The following RBPMS2 variants were observed in gnomAD, a reference collection of about 807,000 sequenced individuals.
RBPMS2 encodes RNA binding protein, mRNA processing factor 2.
RBPMS2 carries 14 observed loss-of-function variants against 25.7 expected under a neutral mutation model. The observed-to-expected ratio is 0.55, with a 90% confidence interval of 0.36 to 0.85. The LOEUF is 0.85. RBPMS2 is among the 40% of genes least tolerant of loss of function. RBPMS2 has a pLI of 0.01. For synonymous variants in RBPMS2, 127 were observed against 115.6 expected (o/e 1.10, Z -0.63); for missense variants, 252 against 283.4 (o/e 0.89, Z 0.80).
intron 6 of RBPMS2, among the ~76,000 whole-genome samples, chr15:64,744,789 GTTTGT>G (rs770985658): frequency 0.015 from 914 of 61,224 alleles, 8 homozygotes; most frequent in African/African-American, 0.053. Flanking sequence ...AGTTTTTTTG[GTTTGT>G]TTTGTTTTTT....
chr15:64,775,212 G>C, intron 1 of RBPMS2, 21 bp downstream of exon 1: 2 of 1,214,664 alleles, frequency 1.6e-6, no homozygotes, highest in Non-Finnish European at 2.1e-6. Context: ...CACCCGGCAA[G>C]TCCCGGGGCC....
intron 6 of RBPMS2, among the ~76,000 whole-genome samples, chr15:64,741,887 C>T (rs986130492): frequency 3.9e-5 from 6 of 152,144 alleles, no homozygotes; most frequent in African/African-American, 9.7e-5. Context: ...CAAACAAGGC[C>T]GGGCGCAGCG....
At chr15:64,763,863 T>G (rs999139374) in intron 1 of RBPMS2, among the ~76,000 whole-genome samples, 18 of 151,886 alleles carry the variant, frequency 1.2e-4, no homozygotes, top group African/African-American at 3.6e-4. Context: ...AAAAGTTATC[T>G]GAAAGGAGGG....
chr15:64,740,265 C>T lies in RBPMS2; in HGVS notation c.*743G>A, dbSNP rs1401357784. 2 of 152,282 alleles carry T rather than the reference C, an allele frequency of 1.3e-5. No individual in the cohort carries two copies. Among genetic ancestry groups the T allele is most frequent in the Non-Finnish European group, 2.9e-5 (2 of 68,034 alleles). 9.4% of individuals were successfully genotyped at this position (152,282 alleles called of 1,614,324 possible). ...TTTTGTTACACAGGGTACAAAAATA[C>T]TTCTCACGTTTTGGTTGGTTTCGAG... On this transcript the variant is annotated 3_prime_UTR_variant, in exon 8 of 8. Coordinates refer to ENST00000300069, the MANE Select transcript of RBPMS2 (RefSeq NM_194272.3).
intron 1 of RBPMS2, among the ~76,000 whole-genome samples, chr15:64,754,553 G>A (rs1440587658): frequency 6.6e-6 from 1 of 152,000 alleles, no homozygotes; most frequent in East Asian, 1.9e-4. Context: ...AGAGGTTGCA[G>A]TGAGCTGAGA....
Position 64,741,159 on chromosome 15 carries a change from G to A in RBPMS2, c.*7+14C>T. On this transcript the variant is annotated intron_variant, in intron 7 of 7. Transcript: ENST00000300069. ...CTAGGACACTTGTCCTGGGCCTCTG[G>A]GGCCAACACTTACTGAAAAACTAAC... is the stretch of plus-strand genomic sequence containing the variant. 6.4e-7 allele frequency: 1 copy of A among 1,559,092 alleles called. No homozygotes were observed. The highest frequency in any genetic ancestry group is 8.7e-7 in the Non-Finnish European group (1 of 1,149,260).
At chr15:64,755,596 A>AG (rs559725990) in intron 1 of RBPMS2, among the ~76,000 whole-genome samples, 139 of 152,242 alleles carry the variant, frequency 9.1e-4, no homozygotes, top group African/African-American at 3.1e-3. Context: ...TTGTGAGGGC[A>AG]GGGGGAGCGG....
chr15:64,771,443 G>A (rs185084908), intron 1 of RBPMS2, among the ~76,000 whole-genome samples: 1 of 152,314 alleles, frequency 6.6e-6, no homozygotes, highest in Non-Finnish European at 1.5e-5. Context: ...AGCACTTTGG[G>A]AGGCCGAGCT....
Position 64,751,545 on chromosome 15 carries a change from C to G in RBPMS2, c.165+16G>C. On this transcript the variant is annotated intron_variant, in intron 2 of 7. Transcript: ENST00000300069. ...GTCCCAGGCTCTACCCAGGGGGCGGCTGGGTCCTGACTCACCTTGAACGGC... is the reference window on the plus strand; with the variant it reads ...GTCCCAGGCTCTACCCAGGGGGCGGGTGGGTCCTGACTCACCTTGAACGGC... 2.5e-6 allele frequency: 4 copies of G among 1,612,650 alleles called. No individual in the cohort carries two copies. The highest frequency in any genetic ancestry group is 1.3e-5 in the African/African-American group (1 of 74,998).
At chr15:64,757,666 G>A (rs553296037) in intron 1 of RBPMS2, among the ~76,000 whole-genome samples, 1 of 152,340 alleles carries the variant, frequency 6.6e-6, no homozygotes, top group South Asian at 2.1e-4. Flanking sequence ...ACAGAGACAT[G>A]CAGTTACTTC....
chr15:64,748,614 C>A, intron 5 of RBPMS2, 47 bp from the exon 6 acceptor site: 1 of 1,510,288 alleles, frequency 6.6e-7, no homozygotes, highest in South Asian at 1.3e-5. Context: ...CTCGCCTCCC[C>A]TTCCAAACGG....
chr15:64,770,307 C>T (rs1162439943), intron 1 of RBPMS2, among the ~76,000 whole-genome samples: 1 of 152,186 alleles, frequency 6.6e-6, no homozygotes, highest in Non-Finnish European at 1.5e-5. Context: ...GGGTTCAAAT[C>T]CCAACCTCCC....
intron 1 of RBPMS2, among the ~76,000 whole-genome samples, chr15:64,767,452 T>C (rs1008917): frequency 0.75 from 113,501 of 152,098 alleles, 45,865 homozygotes; most frequent in East Asian, 0.96. Flanking sequence ...AGTTCAGTTC[T>C]GGGTAATCTT....
rs112521355 is a variant in RBPMS2 at position 64,739,983 on chromosome 15, A to G, written c.*1025T>C. Reference sequence around the variant, plus strand: ...ATGACAACAGCCGCCTCATCTCCCAAGTCTGAAATGGCCAGACGGTCACAG... The same window carrying G: ...ATGACAACAGCCGCCTCATCTCCCAGGTCTGAAATGGCCAGACGGTCACAG... On this transcript the variant is annotated 3_prime_UTR_variant, in exon 8 of 8. Transcript: ENST00000300069. 2 of 152,662 alleles carry G rather than the reference A, an allele frequency of 1.3e-5. No individual in the cohort carries two copies. Among genetic ancestry groups the G allele is most frequent in the Non-Finnish European group, 2.9e-5 (2 of 68,036 alleles). 9.5% of individuals were successfully genotyped at this position (152,662 alleles called of 1,614,324 possible).
At chr15:64,753,987 T>G (rs1012030873) in intron 1 of RBPMS2, among the ~76,000 whole-genome samples, 6 of 152,076 alleles carry the variant, frequency 3.9e-5, no homozygotes, top group Non-Finnish European at 7.4e-5. Context: ...ACATGGCTTG[T>G]TCTTTAAAGG....
chr15:64,774,008 G>A (rs779564512), intron 1 of RBPMS2, among the ~76,000 whole-genome samples: 3 of 152,256 alleles, frequency 2.0e-5, no homozygotes, highest in Admixed American at 1.3e-4. Flanking sequence ...GCCAAAAAGT[G>A]GAGATCCAAA....
intron 7 of RBPMS2, 81 bp from the exon 8 acceptor site, chr15:64,741,081 C>T: frequency 2.0e-6 from 2 of 997,038 alleles, no homozygotes; most frequent in South Asian, 2.9e-5. Context: ...CTCGGCTAAG[C>T]TCTTGAGACC....
chr15:64,758,292 C>G (rs72744740), intron 1 of RBPMS2, among the ~76,000 whole-genome samples: 7,339 of 152,256 alleles, frequency 0.048, 229 homozygotes, highest in South Asian at 0.088. Flanking sequence ...GCAACCACAG[C>G]CCTTCCAAAA....
At chr15:64,754,702 T>C (rs1258970064) in intron 1 of RBPMS2, among the ~76,000 whole-genome samples, 1 of 147,312 alleles carries the variant, frequency 6.8e-6, no homozygotes, top group Non-Finnish European at 1.5e-5. Context: ...AAACTCCGTC[T>C]CAAAAAAAAA....
Sources: allele counts gnomAD v4.1 joint callset (sites outside exome capture counted in the v4.1 genomes callset), GRCh38; gene constraint gnomAD v4.1.1; transcripts MANE v1.5; gene names NCBI Gene and HGNC (gene_info 2026-07-23, HGNC 2026-07-21).